Variants in TMEM232 observed in about 807,000 individuals in gnomAD.
TMEM232 encodes transmembrane protein 232.
In TMEM232, 80 loss-of-function variants were observed where a neutral mutation model predicts 78.8. The observed-to-expected ratio is 1.01, with a 90% CI of 0.85 to 1.22. TMEM232 has a LOEUF of 1.22. Ranked by LOEUF, TMEM232 falls within the 50% of genes most tolerant of loss-of-function variation. The pLI is 0.00. For synonymous variants in TMEM232, 297 were observed against 254.3 expected (o/e 1.17, Z -1.60); for missense variants, 881 against 742.2 (o/e 1.19, Z -2.17).
chr5:110,625,087 C>A (rs1224582676), intron 7 of TMEM232, among the ~76,000 whole-genome samples, 180 bp downstream of exon 7: 1 of 151,984 alleles, frequency 6.6e-6, no homozygotes. Context: ...CTATTAACTA[C>A]TCTCCAGGAA....
At chr5:110,601,190 G>A (rs972177921) in intron 10 of TMEM232, among the ~76,000 whole-genome samples, 1 of 152,146 alleles carries the variant, frequency 6.6e-6, no homozygotes, top group Non-Finnish European at 1.5e-5. Context: ...CAAACTCATA[G>A]CCAATATCAT....
exon 4 of TMEM232, chr5:110,390,495 C>A (rs920365179): frequency 1.3e-4 from 20 of 152,172 alleles, no homozygotes; most frequent in African/African-American, 4.8e-4. Flanking sequence ...ACATCAGAGG[C>A]TATTGATCTC....
intron 12 of TMEM232, among the ~76,000 whole-genome samples, chr5:110,429,690 C>A (rs1018817895): frequency 9.9e-5 from 15 of 151,760 alleles, no homozygotes; most frequent in Admixed American, 8.6e-4. Flanking sequence ...AACCCTAGAA[C>A]TCCATTCTTA....
chr5:110,637,787 A>G (rs1246058073), intron 5 of TMEM232, among the ~76,000 whole-genome samples: 2 of 152,060 alleles, frequency 1.3e-5, no homozygotes, highest in African/African-American at 2.4e-5. Context: ...TTATAGATCT[A>G]AAGTGACATA....
intron 2 of TMEM232, among the ~76,000 whole-genome samples, chr5:110,644,028 C>A (rs1003812788): frequency 2.0e-5 from 3 of 151,774 alleles, no homozygotes; most frequent in African/African-American, 7.3e-5. Flanking sequence ...TTTTGCATTG[C>A]GGATACAGTA....
At chr5:110,432,588 C>G (rs1757981531) in intron 12 of TMEM232, among the ~76,000 whole-genome samples, 1 of 151,704 alleles carries the variant, frequency 6.6e-6, no homozygotes, top group Admixed American at 6.6e-5. Flanking sequence ...TACCACACAA[C>G]TAGCTAACAA....
At chr5:110,419,262 C>A (rs1488487643), downstream of TMEM232, among the ~76,000 whole-genome samples, 1 of 151,610 alleles carries the variant, frequency 6.6e-6, no homozygotes, top group Non-Finnish European at 1.5e-5. Flanking sequence ...CTTGCATAGT[C>A]TCCATTTGAG....
At chr5:110,697,495 A>T (rs1452172195) in intron 1 of TMEM232, among the ~76,000 whole-genome samples, 3 of 152,224 alleles carry the variant, frequency 2.0e-5, no homozygotes. Flanking sequence ...AGAAACTACC[A>T]TCAGAGTGAA....
Position 110,512,298 on chromosome 5 carries a change from T to C in TMEM232, c.1703+16290A>G, listed in dbSNP as rs1381575905. On this transcript the variant is annotated intron_variant, in intron 12 of 13. Transcript: ENST00000455884. ...AATAATTATTGAATAAATAAACTTA[T>C]GGAAAAGTAAACTATGTGGGTGCAA... Among the ~76,000 whole-genome samples the C allele has an allele frequency of 4.6e-5, 7 of 152,324 alleles. No individual in the cohort carries two copies. In the East Asian group the frequency reaches 1.2e-3, roughly 25 times the overall value.
intron 12 of TMEM232, among the ~76,000 whole-genome samples, chr5:110,483,791 C>A (rs1055091884): frequency 6.6e-6 from 1 of 151,978 alleles, no homozygotes; most frequent in Non-Finnish European, 1.5e-5. Flanking sequence ...TTTGACCCAG[C>A]AATTTCATTA....
rs5870414 is a variant in TMEM232 at position 110,526,382 on chromosome 5, TA to T, written c.1703+2205del. 4.6e-5 allele frequency among the ~76,000 whole-genome samples: 7 copies of T among 151,368 alleles called. 1 individual carries two copies. Among genetic ancestry groups the T allele is most frequent in the East Asian group, 3.9e-4 (2 of 5,144 alleles). On this transcript the variant is annotated intron_variant, in intron 12 of 13. Coordinates refer to ENST00000455884, the MANE Select transcript of TMEM232 (RefSeq NM_001039763.4). ...GGTTTTTGTATAGACAAAAATCCAG[TA>T]AAAAATGGGCAAAAAAAATAATTTC...
chr5:110,641,600 A>T (rs921170895), intron 3 of TMEM232, among the ~76,000 whole-genome samples: 1 of 152,202 alleles, frequency 6.6e-6, no homozygotes, highest in African/African-American at 2.4e-5. Flanking sequence ...AAAATTTTCA[A>T]ATATATGGGC....
At chr5:110,719,579 T>C (rs1797380856) in intron 1 of TMEM232, among the ~76,000 whole-genome samples, 1 of 152,112 alleles carries the variant, frequency 6.6e-6, no homozygotes, top group African/African-American at 2.4e-5. Flanking sequence ...TTAGGGAATA[T>C]ATTGTAGCAA....
chr5:110,535,907 A>G (rs1677361075), intron 11 of TMEM232, among the ~76,000 whole-genome samples: 1 of 152,158 alleles, frequency 6.6e-6, no homozygotes, highest in Admixed American at 6.5e-5. Context: ...TTCCACACCC[A>G]AATTATAAAA....
chr5:110,530,136 A>C (rs1047422872), intron 11 of TMEM232, among the ~76,000 whole-genome samples: 3 of 152,206 alleles, frequency 2.0e-5, no homozygotes, highest in African/African-American at 7.2e-5. Context: ...TTACTGACGA[A>C]AGACTGATTA....
intron 7 of TMEM232, among the ~76,000 whole-genome samples, chr5:110,620,057 A>G (rs558128923): frequency 6.6e-6 from 1 of 152,202 alleles, no homozygotes; most frequent in Non-Finnish European, 1.5e-5. Context: ...TCTTGCATTA[A>G]TGTATTTATG....
intron 12 of TMEM232, among the ~76,000 whole-genome samples, chr5:110,465,011 T>C (rs770848579): frequency 5.3e-5 from 8 of 152,214 alleles, no homozygotes; most frequent in Non-Finnish European, 1.2e-4. Context: ...CTTAAGGCAG[T>C]ACATCCTTAT....
At chr5:110,589,962 A>AT (rs772407790) in intron 10 of TMEM232, among the ~76,000 whole-genome samples, 87 of 152,278 alleles carry the variant, frequency 5.7e-4, no homozygotes, top group Middle Eastern at 6.8e-3. Flanking sequence ...TGTATTTCAA[A>AT]TAAGGGCTTA....
chr5:110,401,684 T>C (rs944252511), intron 2 of TMEM232, among the ~76,000 whole-genome samples: 1 of 152,248 alleles, frequency 6.6e-6, no homozygotes, highest in Middle Eastern at 3.4e-3. Context: ...CAGCTTCTCA[T>C]GTAGGTCAAG....
Sources: allele counts gnomAD v4.1 joint callset (sites outside exome capture counted in the v4.1 genomes callset), GRCh38; gene constraint gnomAD v4.1.1; transcripts MANE v1.5; gene names NCBI Gene and HGNC (gene_info 2026-07-23, HGNC 2026-07-21).